The following CSMD1 variants were observed in gnomAD, a reference collection of about 807,000 sequenced individuals.
CSMD1 encodes CUB and Sushi multiple domains 1, also known as CUB and sushi domain-containing protein 1.
Under a neutral mutation model 417.5 loss-of-function variants are expected in CSMD1, and 213 were observed. The ratio of observed to expected loss-of-function variants is 0.51; its 90% CI spans 0.46 to 0.57. CSMD1 has a LOEUF of 0.57. Among genes scored for constraint, CSMD1 ranks in the 20% least tolerant of loss-of-function variants. The pLI is 0.00. For missense variants in CSMD1, 6,923 were observed against 4,529.7 expected, an observed-to-expected ratio of 1.53 and a Z score of -15.17; for synonymous variants, 2,862 against 1,736.8, an observed-to-expected ratio of 1.65 and a Z score of -16.11.
chr8:3,271,093 A>G (rs13248869), intron 26 of CSMD1, among the ~76,000 whole-genome samples: 4 of 101,914 alleles, frequency 3.9e-5, no homozygotes, highest in Non-Finnish European at 7.9e-5. Context: ...CCCACCCCAC[A>G]ACAGTCCCCA....
intron 2 of CSMD1, among the ~76,000 whole-genome samples, chr8:4,429,446 G>C (rs1797746770): frequency 6.6e-6 from 1 of 152,042 alleles, no homozygotes; most frequent in Non-Finnish European, 1.5e-5. Context: ...TGTGAACAGT[G>C]GCTCAGTTTG....
At chr8:3,945,024 T>C (rs1811127701) in intron 5 of CSMD1, among the ~76,000 whole-genome samples, 1 of 152,204 alleles carries the variant, frequency 6.6e-6, no homozygotes, top group African/African-American at 2.4e-5. Context: ...AAATGTCAGA[T>C]GTCCAGGACA....
chr8:4,022,928 AATG>A, intron 4 of CSMD1, among the ~76,000 whole-genome samples: 1 of 152,370 alleles, frequency 6.6e-6, no homozygotes, highest in Middle Eastern at 3.4e-3. Flanking sequence ...GCAACTAAGT[AATG>A]AGAGAAAAAT....
chr8:4,146,061 C>G (rs779322657), intron 3 of CSMD1, among the ~76,000 whole-genome samples: 5 of 150,780 alleles, frequency 3.3e-5, no homozygotes, highest in Non-Finnish European at 7.4e-5. Flanking sequence ...ATTGCAGACA[C>G]TTGAGGGAGG....
At chr8:4,360,287 T>C (rs1801675994) in intron 3 of CSMD1, among the ~76,000 whole-genome samples, 1 of 152,160 alleles carries the variant, frequency 6.6e-6, no homozygotes, top group Non-Finnish European at 1.5e-5. Context: ...TTTTACTTAA[T>C]AGTGGTCCCC....
chr8:4,327,436 G>A (rs1047188361), intron 3 of CSMD1, among the ~76,000 whole-genome samples: 6 of 152,142 alleles, frequency 3.9e-5, no homozygotes, highest in Non-Finnish European at 8.8e-5. Context: ...CAATCAGTCG[G>A]ATTGTTTGCA....
At chr8:3,442,145 G>A (rs1489382581) in intron 12 of CSMD1, among the ~76,000 whole-genome samples, 14 of 151,592 alleles carry the variant, frequency 9.2e-5, no homozygotes, top group Admixed American at 1.3e-4. Flanking sequence ...TTGTGCAACT[G>A]TACAATGTGT....
At chr8:3,861,183 G>A (rs1563153714) in intron 5 of CSMD1, among the ~76,000 whole-genome samples, 1 of 152,098 alleles carries the variant, frequency 6.6e-6, no homozygotes. Context: ...CTCCTCACCT[G>A]TTTCTTGGCA....
chr8:4,874,074 C>T (rs1311505349), intron 1 of CSMD1, among the ~76,000 whole-genome samples: 2 of 152,092 alleles, frequency 1.3e-5, no homozygotes, highest in Non-Finnish European at 2.9e-5. Context: ...AAAACTTTAA[C>T]ATAGGCAAGC....
At chr8:3,636,588 A>G (rs1263640403) in intron 7 of CSMD1, among the ~76,000 whole-genome samples, 1 of 152,188 alleles carries the variant, frequency 6.6e-6, no homozygotes, top group Non-Finnish European at 1.5e-5. Flanking sequence ...CATGAAACGG[A>G]ATGTGAAAAA....
intron 1 of CSMD1, among the ~76,000 whole-genome samples, chr8:4,899,702 A>C (rs1804740276): frequency 6.6e-6 from 1 of 152,204 alleles, no homozygotes; most frequent in African/African-American, 2.4e-5. Flanking sequence ...TGTATAGTTA[A>C]AAATTTCTAA....
chr8:4,186,111 G>T (rs1410146452), intron 3 of CSMD1, among the ~76,000 whole-genome samples: 6 of 152,142 alleles, frequency 3.9e-5, no homozygotes, highest in African/African-American at 7.2e-5. Context: ...ATTGGGCCAT[G>T]CCAGGCTGTC....
rs1198195580 is a variant in CSMD1 at position 4,866,015 on chromosome 8, G to T, written c.85+128317C>A. ...TTAATAGCAACATCTAAATTTAAAA[G>T]GCTGGTATTATGTCATATTAAGTCT... On this transcript the variant is annotated intron_variant, in intron 1 of 69. Transcript: ENST00000635120. Among the ~76,000 whole-genome samples, 3 of 151,842 alleles carry T rather than the reference G, an allele frequency of 2.0e-5. No individual in the cohort carries two copies. In the East Asian group the frequency reaches 5.8e-4, roughly 29 times the overall value.
chr8:4,481,983 G>C (rs555274187), intron 2 of CSMD1, among the ~76,000 whole-genome samples: 1 of 152,036 alleles, frequency 6.6e-6, no homozygotes, highest in Non-Finnish European at 1.5e-5. Flanking sequence ...TATTATATAG[G>C]CTTTATCAGT....
chr8:3,624,888 G>C (rs1796419662), intron 7 of CSMD1, among the ~76,000 whole-genome samples: 1 of 152,080 alleles, frequency 6.6e-6, no homozygotes, highest in Non-Finnish European at 1.5e-5. Flanking sequence ...ATTTGCAGGA[G>C]GTTTATATCT....
At position 3,055,450 on chromosome 8, in the gene CSMD1, T is replaced by C. The variant is rs895821432; in HGVS notation, c.7475-2803A>G. ...TAGAATTATAACACTTCTGATTTAA[T>C]GGAGACACAGCATAATCCTTATGGA... is the stretch of plus-strand genomic sequence containing the variant. On this transcript the variant is annotated intron_variant, in intron 49 of 69. Coordinates refer to ENST00000635120, the MANE Select transcript of CSMD1 (RefSeq NM_033225.6). Among the ~76,000 whole-genome samples the C allele has an allele frequency of 1.3e-5, 2 of 152,226 alleles. 1 individual carries two copies. Among genetic ancestry groups the C allele is most frequent in the South Asian group, 4.1e-4 (2 of 4,834 alleles).
chr8:3,686,946 G>A (rs1799972915), intron 7 of CSMD1, among the ~76,000 whole-genome samples: 1 of 152,188 alleles, frequency 6.6e-6, no homozygotes, highest in Admixed American at 6.5e-5. Context: ...ACTGGGGGGT[G>A]TCTTTTCCAT....
intron 1 of CSMD1, among the ~76,000 whole-genome samples, chr8:4,834,421 A>G (rs553026093): frequency 6.6e-6 from 1 of 152,336 alleles, no homozygotes; most frequent in East Asian, 1.9e-4. Context: ...ATATTATGAA[A>G]AAAAAGCAAA....
intron 2 of CSMD1, among the ~76,000 whole-genome samples, chr8:4,591,080 T>A (rs1165580335): frequency 6.6e-6 from 1 of 152,234 alleles, no homozygotes; most frequent in Non-Finnish European, 1.5e-5. Flanking sequence ...ATTCCCAGGA[T>A]CTGCTATTCT....
Sources: allele counts gnomAD v4.1 joint callset (sites outside exome capture counted in the v4.1 genomes callset), GRCh38; gene constraint gnomAD v4.1.1; transcripts MANE v1.5; gene names NCBI Gene and HGNC (gene_info 2026-07-23, HGNC 2026-07-21).